The following FBXL17 variants were observed in gnomAD, a reference collection of about 807,000 sequenced individuals.
FBXL17 encodes F-box/LRR-repeat protein 17.
A neutral mutation model predicts 66.2 loss-of-function variants in FBXL17; 22 were observed. That is an observed-to-expected ratio of 0.33 (90% CI 0.24 to 0.47). The LOEUF (loss-of-function observed/expected upper bound fraction) is 0.47, where lower values mean the gene tolerates loss of function less well. Ranked by LOEUF, FBXL17 falls within the 20% of genes least tolerant of loss-of-function variation. The probability of loss-of-function intolerance (pLI) is 1.00; values close to 1 mark genes in which losing one functional copy is unlikely to be tolerated. For missense variants in FBXL17, 878 were observed against 948.2 expected (o/e 0.93, Z 0.97); for synonymous variants, 474 against 400.5 (o/e 1.18, Z -2.19).
chr5:108,113,984 A>T (rs997086377), intron 6 of FBXL17, among the ~76,000 whole-genome samples: 2 of 152,220 alleles, frequency 1.3e-5, no homozygotes, highest in African/African-American at 4.8e-5. Context: ...TTACACATAG[A>T]ACAAATGTAT....
intron 4 of FBXL17, among the ~76,000 whole-genome samples, chr5:108,301,404 T>C (rs902551169): frequency 2.0e-5 from 3 of 151,752 alleles, no homozygotes; most frequent in Non-Finnish European, 2.9e-5. Flanking sequence ...GTAATTTTAC[T>C]AAATTTATTT....
At chr5:108,302,396 TAC>T (rs1219064857) in intron 4 of FBXL17, among the ~76,000 whole-genome samples, 1 of 151,838 alleles carries the variant, frequency 6.6e-6, no homozygotes, top group African/African-American at 2.4e-5. Flanking sequence ...TTCCTAATTC[TAC>T]AGAGTTATAT....
At position 108,295,888 on chromosome 5, in the gene FBXL17, T is replaced by C. The variant is rs140902970; in HGVS notation, c.1506+52511A>G. 3.0e-4 allele frequency among the ~76,000 whole-genome samples: 45 copies of C among 147,640 alleles called. 1 individual carries two copies. In the Middle Eastern group the frequency reaches 0.012, roughly 38 times the overall value. On this transcript the variant is annotated intron_variant, in intron 4 of 8. Coordinates refer to ENST00000542267, the MANE Select transcript of FBXL17 (RefSeq NM_001163315.3). ...TCTAAGGAATTTAGATTCGACTGTG[T>C]AGCACACAGTAGATAGCCATTAAAG...
intron 8 of FBXL17, among the ~76,000 whole-genome samples, chr5:107,875,677 C>T (rs1561513637): frequency 6.6e-6 from 1 of 152,190 alleles, no homozygotes; most frequent in Non-Finnish European, 1.5e-5. Context: ...GTGAAAACCA[C>T]GATTTCTTAT....
chr5:108,060,019 C>T (rs1405824999), intron 6 of FBXL17, among the ~76,000 whole-genome samples: 3 of 149,632 alleles, frequency 2.0e-5, no homozygotes, highest in African/African-American at 7.4e-5. Flanking sequence ...CCTATATATC[C>T]TGAATATATA....
chr5:107,869,735 C>T (rs966710838), intron 8 of FBXL17, among the ~76,000 whole-genome samples: 6 of 152,112 alleles, frequency 3.9e-5, no homozygotes, highest in Non-Finnish European at 8.8e-5. Flanking sequence ...AATCCAGTGC[C>T]GCTTTTCAAT....
At chr5:108,184,832 A>G (rs1753163959) in intron 6 of FBXL17, among the ~76,000 whole-genome samples, 1 of 152,002 alleles carries the variant, frequency 6.6e-6, no homozygotes, top group Non-Finnish European at 1.5e-5. Flanking sequence ...TTTTTAAAAG[A>G]ATATTTAAAT....
At chr5:108,263,069 T>C (rs1474848566) in intron 4 of FBXL17, among the ~76,000 whole-genome samples, 1 of 152,174 alleles carries the variant, frequency 6.6e-6, no homozygotes, top group Non-Finnish European at 1.5e-5. Flanking sequence ...CATTACTCAC[T>C]ACCCAAAACT....
intron 6 of FBXL17, among the ~76,000 whole-genome samples, chr5:108,058,580 G>A (rs895230288): frequency 3.3e-5 from 5 of 151,954 alleles, no homozygotes; most frequent in Non-Finnish European, 7.4e-5. Flanking sequence ...AGCATGCTGG[G>A]TTCAAGCCAT....
intron 7 of FBXL17, among the ~76,000 whole-genome samples, chr5:107,967,319 G>A (rs17160784): frequency 0.047 from 7,160 of 151,952 alleles, 507 homozygotes; most frequent in East Asian, 0.31. Flanking sequence ...GTAGGAAATC[G>A]AAGATCAGAA....
At chr5:107,901,708 G>A (rs1469638555) in intron 7 of FBXL17, among the ~76,000 whole-genome samples, 1 of 152,138 alleles carries the variant, frequency 6.6e-6, no homozygotes, top group Non-Finnish European at 1.5e-5. Flanking sequence ...GCTTTTGATG[G>A]TGACTCAGAT....
intron 3 of FBXL17, 150 bp downstream of exon 3, chr5:108,364,587 AC>A (rs1156391415): frequency 4.8e-6 from 3 of 622,150 alleles, no homozygotes; most frequent in Non-Finnish European, 8.3e-6. Context: ...ACTCTAGTTA[AC>A]TAATCTAAAC....
At chr5:107,967,200 A>G (rs559045810) in intron 7 of FBXL17, among the ~76,000 whole-genome samples, 1 of 151,952 alleles carries the variant, frequency 6.6e-6, no homozygotes, top group African/African-American at 2.4e-5. Flanking sequence ...TAAATTGTGT[A>G]TACCAAGGAG....
At position 108,280,715 on chromosome 5, in the gene FBXL17, A is replaced by G. The variant is rs1757668016; in HGVS notation, c.1507-56487T>C. Among the ~76,000 whole-genome samples the G allele has an allele frequency of 2.2e-5, 3 of 138,594 alleles. No individual in the cohort carries two copies. In the South Asian group the frequency reaches 7.0e-4, roughly 33 times the overall value. The allele number at this position is 138,594 out of a possible 152,430, so 90.9% of individuals were successfully genotyped here. On this transcript the variant is annotated intron_variant, in intron 4 of 8. Transcript: ENST00000542267. ...ATTAAATGCTCCAATTAAAAGCTAT[A>G]CATTGGCAGAATGAATTAAAAAAAA...
chr5:107,994,836 T>A (rs764452505), intron 7 of FBXL17, among the ~76,000 whole-genome samples: 10 of 152,076 alleles, frequency 6.6e-5, no homozygotes, highest in Non-Finnish European at 1.5e-4. Context: ...TGAGGCTCCA[T>A]CTCAAAAAAC....
At chr5:108,160,541 TAAG>T (rs968828720) in intron 6 of FBXL17, among the ~76,000 whole-genome samples, 9 of 152,218 alleles carry the variant, frequency 5.9e-5, no homozygotes, top group Non-Finnish European at 1.0e-4. Flanking sequence ...GAGCAACCAA[TAAG>T]AAGAATAGTT....
At chr5:107,980,664 A>ATATATATATATATATATATTTTTTTT in intron 7 of FBXL17, among the ~76,000 whole-genome samples, 7 of 62,068 alleles carry the variant, frequency 1.1e-4, no homozygotes, top group South Asian at 6.2e-4. Flanking sequence ...ATATATATAT[A>ATATATATATATATATATATTTTTTTT]TTTTTTTTTT....
chr5:107,881,549 AT>A (rs561728463), intron 7 of FBXL17, among the ~76,000 whole-genome samples: 9 of 151,752 alleles, frequency 5.9e-5, no homozygotes, highest in Non-Finnish European at 1.0e-4. Flanking sequence ...GATAACTTTA[AT>A]TTTTTTTTAA....
At chr5:108,305,993 G>A (rs1457254332) in intron 4 of FBXL17, among the ~76,000 whole-genome samples, 1 of 151,982 alleles carries the variant, frequency 6.6e-6, no homozygotes, top group East Asian at 1.9e-4. Flanking sequence ...GATTAATACT[G>A]ATCTAGGATA....
Sources: gnomAD v4.1 joint callset for allele counts (sites outside exome capture counted in the v4.1 genomes callset) on GRCh38, gnomAD v4.1.1 for gene constraint, MANE v1.5 for transcripts, NCBI Gene and HGNC (gene_info 2026-07-23, HGNC 2026-07-21) for gene names.